The following LECT2 variants were observed in gnomAD, a reference collection of about 807,000 sequenced individuals.
LECT2 encodes the protein leukocyte cell derived chemotaxin 2.
In LECT2, 11 loss-of-function variants were observed where a neutral mutation model predicts 16.6. The ratio of observed to expected loss-of-function variants is 0.66; its 90% CI spans 0.42 to 1.09. LECT2 has a LOEUF of 1.09. Among genes scored for constraint, LECT2 ranks in the 50% least tolerant of loss-of-function variants. LECT2 has a pLI of 0.00. For synonymous variants in LECT2, 54 were observed against 64.8 expected (o/e 0.83, Z 0.80); for missense variants, 173 against 184.2 (o/e 0.94, Z 0.35).
chr5:135,950,227 G>C (rs1763770562), intron 3 of LECT2, among the ~76,000 whole-genome samples: 1 of 152,184 alleles, frequency 6.6e-6, no homozygotes, highest in Non-Finnish European at 1.5e-5. Context: ...ATCTGAGGAA[G>C]AATAGATAAA....
intron 3 of LECT2, among the ~76,000 whole-genome samples, chr5:135,949,251 C>G (rs185875844): frequency 6.6e-6 from 1 of 152,244 alleles, no homozygotes; most frequent in Non-Finnish European, 1.5e-5. Flanking sequence ...TCAGTCAAAG[C>G]CCCAGCAGGA....
At chr5:135,948,957 G>A (rs936386458) in intron 3 of LECT2, among the ~76,000 whole-genome samples, 1 of 152,082 alleles carries the variant, frequency 6.6e-6, no homozygotes, top group Admixed American at 6.6e-5. Flanking sequence ...TTACAGGCAC[G>A]AGCCACCGTG....
At chr5:135,954,725 G>A in intron 1 of LECT2, 63 bp downstream of exon 1, 2 of 1,166,412 alleles carry the variant, frequency 1.7e-6, no homozygotes, top group Non-Finnish European at 2.6e-6. Context: ...AATCTTTTTA[G>A]TCTTCCCCTG....
At position 135,954,917 on chromosome 5, in the gene LECT2, C is replaced by A. The variant is rs1264058412; in HGVS notation, c.-84G>T. 2.0e-6 allele frequency: 2 copies of A among 992,912 alleles called. No individual in the cohort carries two copies. The highest frequency in any genetic ancestry group is 3.2e-6 in the Non-Finnish European group (2 of 625,094). 61.5% of individuals were successfully genotyped at this position (992,912 alleles called of 1,614,324 possible). Reference sequence around the variant, plus strand: ...AAGAATATTCAAGTTTGAATGAATACTTCCTAGCTATTTAGCCTTAGAATT... The same window carrying A: ...AAGAATATTCAAGTTTGAATGAATAATTCCTAGCTATTTAGCCTTAGAATT... On this transcript the variant is annotated 5_prime_UTR_variant, in exon 1 of 4. Transcript: ENST00000274507.
intron 2 of LECT2, chr5:135,951,668 C>T (rs769684744): frequency 5.4e-5 from 15 of 276,482 alleles, no homozygotes; most frequent in South Asian, 4.7e-4. Flanking sequence ...TGAGGCAGTC[C>T]ATGTAAGTGC....
At chr5:135,948,128 A>G (rs1441566038) in intron 3 of LECT2, among the ~76,000 whole-genome samples, 1 of 152,262 alleles carries the variant, frequency 6.6e-6, no homozygotes, top group Non-Finnish European at 1.5e-5. Flanking sequence ...CCAAGCAATA[A>G]GAAAGCAAGG....
chr5:135,947,069 C>G lies in LECT2; in HGVS notation c.*262G>C, dbSNP rs1198951361. ...TAAAATCAAAATGTTTTCTTTCTTGCATTTATCATGTTTCTATTTAAACTC... is the reference window on the plus strand; with the variant it reads ...TAAAATCAAAATGTTTTCTTTCTTGGATTTATCATGTTTCTATTTAAACTC... On this transcript the variant is annotated 3_prime_UTR_variant, in exon 4 of 4. Transcript: ENST00000274507. The G allele has an allele frequency of 3.6e-6, 1 of 275,712 alleles. No homozygotes were observed. Among genetic ancestry groups the G allele is most frequent in the African/African-American group, 2.2e-5 (1 of 45,934 alleles). 17.1% of individuals were successfully genotyped at this position (275,712 alleles called of 1,614,324 possible).
intron 3 of LECT2, among the ~76,000 whole-genome samples, chr5:135,950,056 A>C (rs926646694): frequency 6.6e-6 from 1 of 152,176 alleles, no homozygotes; most frequent in African/African-American, 2.4e-5. Context: ...CTCCTCAAGG[A>C]TGTGGGTTCG....
At position 135,954,391 on chromosome 5, in the gene LECT2, T is replaced by C. The variant is rs551749965; in HGVS notation, c.46+397A>G. 4.1e-4 allele frequency among the ~76,000 whole-genome samples: 63 copies of C among 152,352 alleles called. 1 individual carries two copies. In the South Asian group the frequency reaches 0.012, roughly 30 times the overall value. Reference sequence around the variant, plus strand: ...CACTTTTTCCTCCTTCGGTGAGTATTAAGGGAGCCATCCCTTTGTCTTAAT... The same window carrying C: ...CACTTTTTCCTCCTTCGGTGAGTATCAAGGGAGCCATCCCTTTGTCTTAAT... On this transcript the variant is annotated intron_variant, in intron 1 of 3. Coordinates refer to ENST00000274507, the MANE Select transcript of LECT2 (RefSeq NM_002302.3).
Position 135,952,935 on chromosome 5 carries a change from C to T in LECT2, c.79G>A (p.Gly27Ser), listed in dbSNP as rs758899651. The T allele has an allele frequency of 6.8e-6, 11 of 1,614,102 alleles. No individual in the cohort carries two copies. Among genetic ancestry groups the T allele is most frequent in the East Asian group, 2.2e-5 (1 of 44,872 alleles). ...GTCCGGATCTCATTGGAAGACTTGC[C>T]AGCACATATATTAGCCCATGGCCCT... Reference protein sequence around the residue: ...LAGPWANICAGKSSNEIRTCD... With the variant: ...LAGPWANICASKSSNEIRTCD... Residue 27 changes from glycine (G) to serine (S), a missense_variant, in exon 2 of 4, where the codon GGC (glycine) becomes AGC (serine). Coordinates refer to ENST00000274507, the MANE Select transcript of LECT2 (RefSeq NM_002302.3).
Position 135,952,891 on chromosome 5 carries a change from A to G in LECT2, c.123T>C (p.Cys41=), listed in dbSNP as rs868728164. Reference sequence around the variant, plus strand: ...CATACCTTTGAGCAGAGTACTGTCCACAGCCATGGCGGTCACACGTCCGGA... The same window carrying G: ...CATACCTTTGAGCAGAGTACTGTCCGCAGCCATGGCGGTCACACGTCCGGA... The part of the protein sequence containing the change: ...NEIRTCDRHG[C]GQYSAQRSQR... The change falls in exon 2 of 4, where the codon TGT becomes TGC. Residue 41 remains cysteine (C), a synonymous_variant. Transcript: ENST00000274507. 1 of 1,613,662 alleles carries G rather than the reference A, an allele frequency of 6.2e-7. No individual in the cohort carries two copies. The highest frequency in any genetic ancestry group is 8.5e-7 in the Non-Finnish European group (1 of 1,179,644).
intron 1 of LECT2, 60 bp from the exon 2 acceptor site, chr5:135,953,027 G>T: frequency 1.8e-6 from 2 of 1,122,374 alleles, no homozygotes; most frequent in Non-Finnish European, 2.7e-6. Flanking sequence ...ATCCCCATTT[G>T]CCTTATCAGT....
At chr5:135,952,745 G>T (rs1230214976) in intron 2 of LECT2, 126 bp downstream of exon 2, 4 of 650,106 alleles carry the variant, frequency 6.2e-6, no homozygotes, top group African/African-American at 1.8e-5. Context: ...TGATGTAACT[G>T]GTTACATCTC....
At chr5:135,948,073 T>G (rs924628021) in intron 3 of LECT2, among the ~76,000 whole-genome samples, 5 of 152,092 alleles carry the variant, frequency 3.3e-5, no homozygotes, top group African/African-American at 1.2e-4. Flanking sequence ...AGGCTGAAAG[T>G]GAAGAGCTGG....
rs539012508 is a variant in LECT2 at position 135,954,235 on chromosome 5, GT to G, written c.46+552del. 5.9e-5 allele frequency among the ~76,000 whole-genome samples: 9 copies of G among 152,322 alleles called. No individual in the cohort carries two copies. In the South Asian group the frequency reaches 1.2e-3, roughly 21 times the overall value. ...TCTTTAAAATACTTTTAAAAGGTGG[GT>G]TTCAAAAGTTTTATGCCTTGGAGCC... On this transcript the variant is annotated intron_variant, in intron 1 of 3. Coordinates refer to ENST00000274507, the MANE Select transcript of LECT2 (RefSeq NM_002302.3).
rs1348332412 is a variant in LECT2, at chr5:135,950,291, T to C, written c.289+932A>G. Reference sequence around the variant, plus strand: ...TATCATGCATCAGAAAGAACGTGGATACAAAAACATAAACTGCATAATCAC... The same window carrying C: ...TATCATGCATCAGAAAGAACGTGGACACAAAAACATAAACTGCATAATCAC... On this transcript the variant is annotated intron_variant, in intron 3 of 3. Coordinates refer to ENST00000274507, the MANE Select transcript of LECT2 (RefSeq NM_002302.3). Among the ~76,000 whole-genome samples the C allele has an allele frequency of 2.6e-5, 4 of 152,322 alleles. No individual in the cohort carries two copies. The South Asian group carries it at 8.3e-4, about 32-fold the overall frequency.
intron 1 of LECT2, among the ~76,000 whole-genome samples, chr5:135,954,379 T>C (rs1409735454): frequency 1.3e-5 from 2 of 152,228 alleles, no homozygotes; most frequent in Non-Finnish European, 2.9e-5. Context: ...TTTTTCCTCC[T>C]TCGGTGAGTA....
rs879103132 is a variant in LECT2 at position 135,947,252 on chromosome 5, A to G, written c.*79T>C. 2 of 1,382,234 alleles carry G rather than the reference A, an allele frequency of 1.4e-6. No homozygotes were observed. The highest frequency in any genetic ancestry group is 1.3e-5 in the South Asian group (1 of 77,402). The allele number at this position is 1,382,234 out of a possible 1,614,324, so 85.6% of individuals were successfully genotyped here. On this transcript the variant is annotated 3_prime_UTR_variant, in exon 4 of 4. Coordinates refer to ENST00000274507, the MANE Select transcript of LECT2 (RefSeq NM_002302.3). ...CATGCATTTTTCCTTTGTGAACACA[A>G]ATTTCTTGAAGAGAAGGGTATGCAT...
chr5:135,953,425 C>T (rs1763823091), intron 1 of LECT2, among the ~76,000 whole-genome samples: 1 of 152,130 alleles, frequency 6.6e-6, no homozygotes, highest in Non-Finnish European at 1.5e-5. Flanking sequence ...CGGTCTTGAT[C>T]TCTTGACCTC....
Sources: gnomAD v4.1 joint callset for allele counts (sites outside exome capture counted in the v4.1 genomes callset) on GRCh38, gnomAD v4.1.1 for gene constraint, MANE v1.5 for transcripts, NCBI Gene and HGNC (gene_info 2026-07-23, HGNC 2026-07-21) for gene names.